Variants in ADAMTSL3 observed in about 807,000 individuals in gnomAD.
The protein encoded by ADAMTSL3 is ADAMTS like 3.
Under a neutral mutation model 201.7 loss-of-function variants are expected in ADAMTSL3, and 128 were observed. The ratio of observed to expected loss-of-function variants is 0.63; its 90% CI spans 0.55 to 0.73. ADAMTSL3 has a LOEUF of 0.73. Ranked by LOEUF, ADAMTSL3 falls within the 30% of genes least tolerant of loss-of-function variation. The pLI is 0.00. For missense variants in ADAMTSL3, 1,990 were observed against 2,119.6 expected, an observed-to-expected ratio of 0.94 and a Z score of 1.20; for synonymous variants, 738 against 748.4, an observed-to-expected ratio of 0.99 and a Z score of 0.23.
At chr15:83,830,639 G>C (rs2141956596) in intron 6 of ADAMTSL3, among the ~76,000 whole-genome samples, 1 of 152,298 alleles carries the variant, frequency 6.6e-6, no homozygotes, top group Non-Finnish European at 1.5e-5. Context: ...TGGCAGCTGT[G>C]ACAAATTACC....
chr15:84,010,553 G>A (rs2067989904), intron 23 of ADAMTSL3, among the ~76,000 whole-genome samples: 1 of 152,178 alleles, frequency 6.6e-6, no homozygotes. Context: ...ATGATCTGCT[G>A]TGGAGAACTG....
intron 4 of ADAMTSL3, among the ~76,000 whole-genome samples, chr15:83,803,645 A>G (rs1246203600): frequency 1.3e-5 from 2 of 152,264 alleles, no homozygotes; most frequent in East Asian, 3.9e-4. Flanking sequence ...GACTGAGGAG[A>G]GTACCCGTTG....
At chr15:83,752,646 C>T (rs2062655902) in intron 3 of ADAMTSL3, among the ~76,000 whole-genome samples, 2 of 152,118 alleles carry the variant, frequency 1.3e-5, no homozygotes, top group African/African-American at 4.8e-5. Flanking sequence ...TTTGCAATAT[C>T]TAATATAGTA....
intron 28 of ADAMTSL3, among the ~76,000 whole-genome samples, chr15:84,033,745 C>T (rs953041073): frequency 3.3e-5 from 5 of 152,192 alleles, no homozygotes; most frequent in East Asian, 1.9e-4. Flanking sequence ...TGCTGTCTCA[C>T]TCTTCATGTT....
chr15:83,888,693 T>C (rs1409028619), intron 10 of ADAMTSL3, among the ~76,000 whole-genome samples: 3 of 152,224 alleles, frequency 2.0e-5, no homozygotes, highest in African/African-American at 7.2e-5. Context: ...TAGATTGCCA[T>C]TGCCATCTGA....
At chr15:83,669,713 C>G (rs1007219104) in intron 2 of ADAMTSL3, among the ~76,000 whole-genome samples, 6 of 151,676 alleles carry the variant, frequency 4.0e-5, no homozygotes, top group African/African-American at 1.2e-4. Context: ...CGTGATCTGT[C>G]CGCCTCGGCC....
intron 8 of ADAMTSL3, among the ~76,000 whole-genome samples, chr15:83,864,932 CAT>C (rs2064943039): frequency 6.6e-6 from 1 of 152,094 alleles, no homozygotes; most frequent in Admixed American, 6.6e-5. Context: ...GATACAAAAT[CAT>C]GTGCAAAAAT....
intron 3 of ADAMTSL3, among the ~76,000 whole-genome samples, chr15:83,732,530 A>G (rs1326692313): frequency 6.6e-6 from 1 of 152,144 alleles, no homozygotes; most frequent in Non-Finnish European, 1.5e-5. Flanking sequence ...ATTCTGGTCA[A>G]ATAATGATGG....
chr15:84,036,829 G>C lies in ADAMTSL3; in HGVS notation c.4811G>C (p.Gly1604Ala), dbSNP rs201263377. 1.9e-4 allele frequency: 304 copies of C among 1,613,998 alleles called. 3 individuals are homozygous for C. In the South Asian group the frequency reaches 3.1e-3, roughly 16 times the overall value. ...GCCTGTGATGTGTGTTGGCACACAGGCCCTTGGAAGCCCTGTACAGCAGCC... is the reference window on the plus strand; with the variant it reads ...GCCTGTGATGTGTGTTGGCACACAGCCCCTTGGAAGCCCTGTACAGCAGCC... ...SGACDVCWHT[G>A]PWKPCTAACG... Residue 1604 changes from glycine to alanine, a missense_variant, in exon 29 of 30, where the codon GGC becomes GCC. Coordinates refer to ENST00000286744, the MANE Select transcript of ADAMTSL3 (RefSeq NM_207517.3).
chr15:83,763,539 C>G (rs576477587), intron 3 of ADAMTSL3, among the ~76,000 whole-genome samples: 1 of 147,164 alleles, frequency 6.8e-6, no homozygotes, highest in African/African-American at 2.5e-5. Context: ...GAGTCTCGCT[C>G]TGTCACCCAG....
At chr15:83,755,609 G>A (rs1450142576) in intron 3 of ADAMTSL3, among the ~76,000 whole-genome samples, 1 of 152,128 alleles carries the variant, frequency 6.6e-6, no homozygotes, top group Non-Finnish European at 1.5e-5. Flanking sequence ...CTTTTCTGAA[G>A]CTAAATAATA....
At chr15:84,002,388 CCATCCCTGT>C in intron 23 of ADAMTSL3, among the ~76,000 whole-genome samples, 1 of 152,140 alleles carries the variant, frequency 6.6e-6, no homozygotes, top group Admixed American at 6.5e-5. Flanking sequence ...AATCTATACC[CCATCCCTGT>C]CTTCAGTGCC....
chr15:83,971,067 A>G (rs1337237113), intron 20 of ADAMTSL3, among the ~76,000 whole-genome samples: 1 of 152,218 alleles, frequency 6.6e-6, no homozygotes, highest in African/African-American at 2.4e-5. Flanking sequence ...AAAATTGGCA[A>G]GGATAAAAAC....
chr15:83,743,802 G>A (rs1455795792), intron 3 of ADAMTSL3, among the ~76,000 whole-genome samples: 1 of 152,084 alleles, frequency 6.6e-6, no homozygotes, highest in African/African-American at 2.4e-5. Context: ...GTGTAATAAT[G>A]GATGTTTATA....
At chr15:83,835,226 T>C (rs60788463) in intron 6 of ADAMTSL3, among the ~76,000 whole-genome samples, 14,784 of 120,506 alleles carry the variant, frequency 0.12, 969 homozygotes, top group East Asian at 0.38. Context: ...AGAGCAAGAC[T>C]CTGTCTCAAA....
chr15:83,925,855 G>A (rs1567240400), intron 17 of ADAMTSL3, among the ~76,000 whole-genome samples: 1 of 152,160 alleles, frequency 6.6e-6, no homozygotes, highest in Non-Finnish European at 1.5e-5. Flanking sequence ...TCCCTTCCCT[G>A]AGGCAGTGAA....
intron 2 of ADAMTSL3, among the ~76,000 whole-genome samples, chr15:83,703,434 A>G (rs751815024): frequency 1.3e-5 from 2 of 152,152 alleles, no homozygotes; most frequent in Non-Finnish European, 1.5e-5. Context: ...CTCAAATCTC[A>G]TCTTGAATTG....
chr15:83,744,781 T>A (rs1363441469), intron 3 of ADAMTSL3, among the ~76,000 whole-genome samples: 1 of 152,214 alleles, frequency 6.6e-6, no homozygotes. Context: ...TTTCAGTCAG[T>A]GGTTTGTCAG....
At chr15:83,758,700 A>G (rs2062760210) in intron 3 of ADAMTSL3, among the ~76,000 whole-genome samples, 2 of 152,170 alleles carry the variant, frequency 1.3e-5, no homozygotes, top group Non-Finnish European at 2.9e-5. Context: ...CCATTTATAT[A>G]TCTTCTTTGG....
Sources: gnomAD v4.1 joint callset for allele counts (sites outside exome capture counted in the v4.1 genomes callset) on GRCh38, gnomAD v4.1.1 for gene constraint, MANE v1.5 for transcripts, NCBI Gene and HGNC (gene_info 2026-07-23, HGNC 2026-07-21) for gene names.